IDE: variants seen among roughly 807,000 people sequenced by gnomAD.
IDE encodes insulin degrading enzyme.
Under a neutral mutation model 133.2 loss-of-function variants are expected in IDE, and 58 were observed. The ratio of observed to expected loss-of-function variants is 0.44; its 90% confidence interval spans 0.35 to 0.54. The LOEUF (loss-of-function observed/expected upper bound fraction) is 0.54. Among genes scored for constraint, IDE ranks in the 20% least tolerant of loss-of-function variants. IDE has a pLI of 0.00. For synonymous variants in IDE, 396 were observed against 421.3 expected (o/e 0.94, Z 0.73); for missense variants, 981 against 1,234.0 (o/e 0.79, Z 3.07).
intron 3 of IDE, among the ~76,000 whole-genome samples, 170 bp from the exon 4 acceptor site, chr10:92,532,087 G>A (rs991393557): frequency 7.2e-5 from 11 of 152,028 alleles, no homozygotes; most frequent in Non-Finnish European, 1.5e-4. Flanking sequence ...CTATGTAACA[G>A]AAGAAAAATC....
intron 11 of IDE, 104 bp from the exon 12 acceptor site, chr10:92,490,699 C>T: frequency 1.4e-6 from 1 of 726,766 alleles, no homozygotes; most frequent in South Asian, 1.7e-5. Context: ...CAAGAATGTG[C>T]TGGGCCTCTT....
chr10:92,523,532 T>TA lies in IDE; in HGVS notation c.661+8215dup, dbSNP rs35361515. ...CAGCCTGGCCAACATGGTCTCTACT[T>TA]AAAAAAAAAAAAAAAAAAATTAGTT... On this transcript the variant is annotated intron_variant, in intron 4 of 24. Transcript: ENST00000265986. Among the ~76,000 whole-genome samples, 536 of 132,092 alleles carry TA rather than the reference T, an allele frequency of 4.1e-3. 2 individuals are homozygous for TA. The highest frequency in any genetic ancestry group is 6.8e-3 in the African/African-American group (240 of 35,540). 86.7% of individuals were successfully genotyped at this position (132,092 alleles called of 152,430 possible).
At chr10:92,559,517 A>C (rs1843176987) in intron 1 of IDE, among the ~76,000 whole-genome samples, 1 of 152,228 alleles carries the variant, frequency 6.6e-6, no homozygotes, top group Non-Finnish European at 1.5e-5. Flanking sequence ...AGCCAGACAC[A>C]AAAGACCACA....
chr10:92,538,979 GA>G (rs1427624385), intron 1 of IDE, among the ~76,000 whole-genome samples: 1 of 152,182 alleles, frequency 6.6e-6, no homozygotes, highest in Non-Finnish European at 1.5e-5. Flanking sequence ...ACGTAAGTAA[GA>G]GGGGGAAGAA....
intron 8 of IDE, 143 bp from the exon 9 acceptor site, chr10:92,507,809 G>A (rs1589441088): frequency 9.3e-6 from 6 of 645,970 alleles, no homozygotes; most frequent in Non-Finnish European, 1.4e-5. Flanking sequence ...CTGGCTTTAC[G>A]TGTCCCACAT....
chr10:92,549,544 A>G (rs1262079659), intron 1 of IDE, among the ~76,000 whole-genome samples: 1 of 152,162 alleles, frequency 6.6e-6, no homozygotes. Context: ...AGAGAAAGAG[A>G]GAAGGAAACT....
At chr10:92,561,710 G>A (rs907278503) in intron 1 of IDE, among the ~76,000 whole-genome samples, 28 of 151,330 alleles carry the variant, frequency 1.9e-4, no homozygotes, top group East Asian at 1.2e-3. Context: ...TGCAGTGAGC[G>A]GAGATCGCGC....
intron 3 of IDE, among the ~76,000 whole-genome samples, chr10:92,532,749 A>AT (rs1223586977): frequency 6.6e-6 from 1 of 150,752 alleles, no homozygotes; most frequent in African/African-American, 2.5e-5. Flanking sequence ...TTTACATCCC[A>AT]TTTTATAGAA....
At chr10:92,478,957 C>T (rs1846437073) in intron 15 of IDE, among the ~76,000 whole-genome samples, 1 of 151,940 alleles carries the variant, frequency 6.6e-6, no homozygotes, top group African/African-American at 2.4e-5. Flanking sequence ...TTTTCCTTTG[C>T]CAAAGACCAA....
intron 5 of IDE, among the ~76,000 whole-genome samples, 167 bp downstream of exon 5, chr10:92,514,753 T>G (rs2135568147): frequency 6.6e-6 from 1 of 152,314 alleles, no homozygotes; most frequent in South Asian, 2.1e-4. Flanking sequence ...ACACAATGAT[T>G]TAAACATAAA....
At position 92,487,325 on chromosome 10, in the gene IDE, G is replaced by A; in HGVS notation, c.1534-7C>T. ...GGTCAGCATTTTGCCATTTCTGGAT[G>A]AATAATGAAACACACAAATGCAGTA... On this transcript the variant is annotated splice_polypyrimidine_tract_variant and splice_region_variant and intron_variant, in intron 12 of 24. Transcript: ENST00000265986. 1 of 1,607,736 alleles carries A rather than the reference G, an allele frequency of 6.2e-7. No individual in the cohort carries two copies. The highest frequency in any genetic ancestry group is 2.2e-5 in the East Asian group (1 of 44,772).
intron 1 of IDE, among the ~76,000 whole-genome samples, chr10:92,561,633 G>A (rs112769140): frequency 0.1 from 15,304 of 151,842 alleles, 897 homozygotes; most frequent in South Asian, 0.17. Flanking sequence ...GTGGTGGTGG[G>A]TGCCTGTAGT....
intron 16 of IDE, among the ~76,000 whole-genome samples, chr10:92,475,573 T>C (rs1295279461): frequency 6.6e-6 from 1 of 151,754 alleles, no homozygotes; most frequent in Admixed American, 6.6e-5. Flanking sequence ...GAACTAGAGG[T>C]TGGGATGGAA....
chr10:92,514,228 A>G (rs940077619), intron 5 of IDE, among the ~76,000 whole-genome samples: 19 of 152,182 alleles, frequency 1.2e-4, no homozygotes, highest in African/African-American at 3.9e-4. Context: ...TTACCAATAT[A>G]AAAAAGCAAC....
intron 12 of IDE, among the ~76,000 whole-genome samples, chr10:92,488,954 A>AT (rs1480352790): frequency 3.3e-5 from 5 of 149,608 alleles, no homozygotes; most frequent in African/African-American, 1.2e-4. Context: ...AAAAAAAAAA[A>AT]AGCAACTGGC....
At chr10:92,524,613 G>C (rs1357640552) in intron 4 of IDE, among the ~76,000 whole-genome samples, 3 of 134,738 alleles carry the variant, frequency 2.2e-5, no homozygotes, top group Non-Finnish European at 4.6e-5. Context: ...TCTCAGGGAT[G>C]CAAAGATGGT....
intron 20 of IDE, among the ~76,000 whole-genome samples, chr10:92,464,244 T>G (rs1358519164): frequency 6.6e-6 from 1 of 150,590 alleles, no homozygotes; most frequent in East Asian, 2.1e-4. Context: ...AAAATCCTAT[T>G]CATTATTCAA....
At chr10:92,467,848 C>T (rs905769640) in intron 19 of IDE, among the ~76,000 whole-genome samples, 1 of 152,218 alleles carries the variant, frequency 6.6e-6, no homozygotes, top group African/African-American at 2.4e-5. Flanking sequence ...CTGGGCTCAA[C>T]GTATCTCTAA....
chr10:92,498,389 G>C (rs184115550), intron 11 of IDE, among the ~76,000 whole-genome samples: 1 of 145,654 alleles, frequency 6.9e-6, no homozygotes, highest in African/African-American at 2.6e-5. Context: ...TTGAGAGGAC[G>C]GGGTGGGTGG....
Sources: allele counts gnomAD v4.1 joint callset (sites outside exome capture counted in the v4.1 genomes callset), GRCh38; gene constraint gnomAD v4.1.1; transcripts MANE v1.5; gene names NCBI Gene and HGNC (gene_info 2026-07-23, HGNC 2026-07-21).